Variants in SLCO3A1 observed in about 807,000 individuals in gnomAD.
The protein encoded by SLCO3A1 is PGE1 transporter.
In SLCO3A1, 27 loss-of-function variants were observed where a neutral mutation model predicts 63.1. The ratio of observed to expected loss-of-function variants is 0.43; its 90% CI spans 0.32 to 0.59. The LOEUF (loss-of-function observed/expected upper bound fraction) is 0.59, where lower values mean the gene tolerates loss of function less well. Among genes scored for constraint, SLCO3A1 ranks in the 20% least tolerant of loss-of-function variants. SLCO3A1 has a pLI of 0.09. For synonymous variants in SLCO3A1, 473 were observed against 409.9 expected (o/e 1.15, Z -1.86); for missense variants, 773 against 945.8 (o/e 0.82, Z 2.40).
rs577183098 is a variant in SLCO3A1, at chr15:92,093,430, G to A, written c.647-1451G>A. Among the ~76,000 whole-genome samples, 219 of 152,282 alleles carry A rather than the reference G, an allele frequency of 1.4e-3. 1 individual carries two copies. The highest frequency in any genetic ancestry group is 2.5e-3 in the Non-Finnish European group (170 of 68,034). ...GGGGCGGTGCTGAGCCATTCATAAGGGGTCTGCCCCCATGATCTAATACCT... is the reference window on the plus strand; with the variant it reads ...GGGGCGGTGCTGAGCCATTCATAAGAGGTCTGCCCCCATGATCTAATACCT... On this transcript the variant is annotated intron_variant, in intron 2 of 9. Coordinates refer to ENST00000318445, the MANE Select transcript of SLCO3A1 (RefSeq NM_013272.4).
intron 2 of SLCO3A1, among the ~76,000 whole-genome samples, chr15:91,978,979 A>T (rs1244836927): frequency 6.6e-6 from 1 of 152,216 alleles, no homozygotes; most frequent in Non-Finnish European, 1.5e-5. Flanking sequence ...GCACTGATTG[A>T]TTACTAAAAT....
At chr15:91,891,901 G>A (rs1897879973) in intron 1 of SLCO3A1, among the ~76,000 whole-genome samples, 1 of 152,202 alleles carries the variant, frequency 6.6e-6, no homozygotes, top group Non-Finnish European at 1.5e-5. Flanking sequence ...AGCCGTGATG[G>A]CTACACAAAT....
intron 2 of SLCO3A1, among the ~76,000 whole-genome samples, chr15:91,937,694 G>A (rs886248311): frequency 1.9e-4 from 29 of 149,174 alleles, no homozygotes; most frequent in African/African-American, 6.5e-4. Context: ...ACTCCAGCCC[G>A]GACGACAGTG....
intron 7 of SLCO3A1, 38 bp from the exon 8 acceptor site, chr15:92,146,946 G>T: frequency 1.3e-6 from 2 of 1,555,162 alleles, no homozygotes; most frequent in Non-Finnish European, 1.7e-6. Flanking sequence ...GAAACCGGAA[G>T]TACCCCCAGA....
intron 1 of SLCO3A1, 63 bp from the exon 2 acceptor site, chr15:91,915,930 G>C: frequency 2.8e-6 from 4 of 1,406,572 alleles, no homozygotes; most frequent in Admixed American, 1.9e-5. Flanking sequence ...TGTCAGGCGG[G>C]AAGGAGAGGC....
chr15:91,998,369 A>G (rs377679241), intron 2 of SLCO3A1, among the ~76,000 whole-genome samples: 10 of 152,168 alleles, frequency 6.6e-5, no homozygotes, highest in African/African-American at 1.7e-4. Flanking sequence ...CACGAGAATC[A>G]CTTGACCCTG....
intron 2 of SLCO3A1, among the ~76,000 whole-genome samples, chr15:92,008,061 C>A (rs2046331120): frequency 1.3e-5 from 2 of 152,250 alleles, no homozygotes; most frequent in African/African-American, 4.8e-5. Context: ...ACAGGAGGAC[C>A]CAATCACAGG....
chr15:92,009,092 T>TAAG (rs1214497194), intron 2 of SLCO3A1, among the ~76,000 whole-genome samples: 1 of 152,218 alleles, frequency 6.6e-6, no homozygotes, highest in African/African-American at 2.4e-5. Flanking sequence ...CCAATGTGTT[T>TAAG]TTCTTCTCAC....
At chr15:91,992,142 A>G (rs1597197729) in intron 2 of SLCO3A1, among the ~76,000 whole-genome samples, 1 of 152,330 alleles carries the variant, frequency 6.6e-6, no homozygotes, top group Admixed American at 6.5e-5. Flanking sequence ...TTTTGGATTT[A>G]TCATGCTGTT....
At chr15:91,927,274 T>A (rs1013583211) in intron 2 of SLCO3A1, among the ~76,000 whole-genome samples, 4 of 152,024 alleles carry the variant, frequency 2.6e-5, no homozygotes, top group Non-Finnish European at 4.4e-5. Context: ...TTTGAACTGA[T>A]GCACAGATAG....
chr15:92,111,306 A>C (rs2047726104), intron 4 of SLCO3A1, among the ~76,000 whole-genome samples: 1 of 152,108 alleles, frequency 6.6e-6, no homozygotes, highest in Non-Finnish European at 1.5e-5. Flanking sequence ...CTTAATTAAA[A>C]TCCTGTGCCT....
chr15:92,017,043 TGAA>T (rs1000231658), intron 2 of SLCO3A1, among the ~76,000 whole-genome samples: 15 of 152,178 alleles, frequency 9.9e-5, no homozygotes, highest in East Asian at 1.9e-4. Context: ...TTTGATGGGC[TGAA>T]GAAGGAGAGT....
At chr15:91,980,679 A>G (rs1356584578) in intron 2 of SLCO3A1, among the ~76,000 whole-genome samples, 1 of 152,092 alleles carries the variant, frequency 6.6e-6, no homozygotes, top group East Asian at 1.9e-4. Context: ...ATTATTGGGC[A>G]CGGAGCAGGC....
Position 92,126,221 on chromosome 15 carries a change from T to C in SLCO3A1, c.1335T>C (p.Thr445=). 1 of 1,614,048 alleles carries C rather than the reference T, an allele frequency of 6.2e-7. No individual in the cohort carries two copies. The highest frequency in any genetic ancestry group is 1.1e-5 in the South Asian group (1 of 91,076). ...YVSFLFLGCD[T]GPVAGVTVPY... is the part of the protein sequence containing the mutation. ...CCTTCCTCTTCCTGGGCTGCGACAC[T>C]GGCCCTGTGGCTGGGGTTACTGTTC... Residue 445 remains threonine, a synonymous_variant, in exon 6 of 10, where the codon ACT becomes ACC. Transcript: ENST00000318445.
At chr15:92,160,409 A>C (rs2048421525) in intron 9 of SLCO3A1, among the ~76,000 whole-genome samples, 1 of 152,072 alleles carries the variant, frequency 6.6e-6, no homozygotes, top group South Asian at 2.1e-4. Context: ...GGCACTTGTT[A>C]GGGGGCAGGG....
chr15:92,038,981 G>A (rs1014568580), intron 2 of SLCO3A1, among the ~76,000 whole-genome samples: 6 of 152,060 alleles, frequency 3.9e-5, no homozygotes, highest in Admixed American at 1.3e-4. Flanking sequence ...TTCAAGAAAC[G>A]GGACAAAAGC....
At chr15:92,152,450 C>T (rs922078942) in intron 9 of SLCO3A1, among the ~76,000 whole-genome samples, 1 of 152,206 alleles carries the variant, frequency 6.6e-6, no homozygotes, top group African/African-American at 2.4e-5. Flanking sequence ...AAGTCTAAGT[C>T]ATGGAAAAGA....
At position 92,127,510 on chromosome 15, in the gene SLCO3A1, CA is replaced by C. The variant is rs1384512653; in HGVS notation, c.1374-840del. On this transcript the variant is annotated intron_variant, in intron 6 of 9. Coordinates refer to ENST00000318445, the MANE Select transcript of SLCO3A1 (RefSeq NM_013272.4). ...ATGAGAATAAATGAAATAATCCATG[CA>C]GTACTTTGAATAGTGCATGACGCAT... is the stretch of plus-strand genomic sequence containing the variant. Among the ~76,000 whole-genome samples, 4 of 152,242 alleles carry C rather than the reference CA, an allele frequency of 2.6e-5. No homozygotes were observed. The East Asian group carries it at 7.7e-4, about 29-fold the overall frequency.
At chr15:91,966,454 C>G (rs1900665625) in intron 2 of SLCO3A1, among the ~76,000 whole-genome samples, 1 of 152,142 alleles carries the variant, frequency 6.6e-6, no homozygotes, top group Admixed American at 6.5e-5. Context: ...AGATGTTTTT[C>G]CCACTGTGCA....
Sources: gnomAD v4.1 joint callset for allele counts (sites outside exome capture counted in the v4.1 genomes callset) on GRCh38, gnomAD v4.1.1 for gene constraint, MANE v1.5 for transcripts, NCBI Gene and HGNC (gene_info 2026-07-23, HGNC 2026-07-21) for gene names.